GZMA: variants seen among roughly 807,000 people sequenced by gnomAD.
GZMA encodes granzyme A, also known as CTL tryptase.
In GZMA, 17 loss-of-function variants were observed where a neutral mutation model predicts 21.1. The ratio of observed to expected loss-of-function variants is 0.81; its 90% CI spans 0.55 to 1.21. GZMA has a LOEUF of 1.21. Ranked by LOEUF, GZMA falls within the 50% of genes most tolerant of loss-of-function variation. GZMA has a pLI of 0.00. For missense variants in GZMA, 306 were observed against 315.9 expected, an observed-to-expected ratio of 0.97 and a Z score of 0.24; for synonymous variants, 90 against 107.8, an observed-to-expected ratio of 0.83 and a Z score of 1.03.
At chr5:55,103,991 C>T (rs139525748) in intron 1 of GZMA, among the ~76,000 whole-genome samples, 1,792 of 149,764 alleles carry the variant, frequency 0.012, 35 homozygotes, top group African/African-American at 0.041. Flanking sequence ...GGTGACAGAG[C>T]GAGACTCTGT....
Position 55,110,134 on chromosome 5 carries a change from AAAGAAACACCTC to A in GZMA, c.744_755del (p.Lys248_Leu251del). The A allele has an allele frequency of 6.2e-7, 1 of 1,611,470 alleles. No homozygotes were observed. ...GGCCTGGTGTCTATATTCTTCTCTC[AAAGAAACACCTC>A]AACTGGATAATTATGACTATCAAGG... On this transcript the variant is annotated inframe_deletion, in exon 5 of 5. Coordinates refer to ENST00000274306, the MANE Select transcript of GZMA (RefSeq NM_006144.4).
At chr5:55,105,649 G>A (rs1742374722) in intron 2 of GZMA, 31 bp downstream of exon 2, 1 of 1,579,788 alleles carries the variant, frequency 6.3e-7, no homozygotes, top group African/African-American at 1.3e-5. Context: ...AAAAAAGTTT[G>A]TAAAGATACT....
chr5:55,103,091 G>A (rs1742331274), intron 1 of GZMA, among the ~76,000 whole-genome samples: 1 of 151,472 alleles, frequency 6.6e-6, no homozygotes, highest in Non-Finnish European at 1.5e-5. Flanking sequence ...TTTTGCAAAA[G>A]ATAGCAGAAC....
At position 55,108,312 on chromosome 5, in the gene GZMA, G is replaced by A. The variant is rs142064253; in HGVS notation, c.545G>A (p.Arg182Gln). The change falls in exon 4 of 5, where the codon CGA becomes CAA. Residue 182 changes from arginine (R) to glutamine (Q), a missense_variant. Transcript: ENST00000274306. ...TIIDRKVCND[R>Q]NHYNFNPVIG... ...ATAGACAGAAAAGTCTGCAATGATC[G>A]AAATCACTATAATTTTAACCCTGTG... 1.5e-4 allele frequency: 237 copies of A among 1,612,968 alleles called. No individual in the cohort carries two copies. Among genetic ancestry groups the A allele is most frequent in the Non-Finnish European group, 1.8e-4 (214 of 1,179,124 alleles).
rs916957623 is a variant in GZMA, at chr5:55,110,117, G to A, written c.724G>A (p.Val242Ile). The A allele has an allele frequency of 6.2e-7, 1 of 1,612,278 alleles. No homozygotes were observed. Among genetic ancestry groups the A allele is most frequent in the African/African-American group, 1.3e-5 (1 of 74,808 alleles). The change falls in exon 5 of 5, where the codon GTC becomes ATC. Residue 242 changes from valine to isoleucine, a missense_variant. Physicochemically the swap from Val to Ile is conservative, Grantham distance 29. Transcript: ENST00000274306. ...NKCGDPRGPG[V>I]YILLSKKHLN... ...ATGCGGAGACCCTCGTGGGCCTGGT[G>A]TCTATATTCTTCTCTCAAAGAAACA...
Position 55,110,009 on chromosome 5 carries a change from G to A in GZMA, c.628-12G>A. ...ACTGACCCCACACCCTACCCCTCTT[G>A]TTTTCCTCCAGGGAGATTCTGGAAG... On this transcript the variant is annotated splice_polypyrimidine_tract_variant and intron_variant, in intron 4 of 4. Transcript: ENST00000274306. The A allele has an allele frequency of 6.3e-7, 1 of 1,583,594 alleles. No homozygotes were observed. The highest frequency in any genetic ancestry group is 1.7e-4 in the Middle Eastern group (1 of 5,888).
chr5:55,104,752 C>G (rs2111751241), intron 1 of GZMA, among the ~76,000 whole-genome samples: 1 of 152,256 alleles, frequency 6.6e-6, no homozygotes, highest in Admixed American at 6.5e-5. Context: ...AACAATGGGT[C>G]TCTACTTCAA....
Position 55,108,167 on chromosome 5 carries a change from C to A in GZMA, c.400C>A (p.His134Asn). The change falls in exon 4 of 5, where the codon CAT becomes AAT. Residue 134 changes from histidine (H) to asparagine (N), a missense_variant. Physicochemically the swap from His to Asn is moderately conservative, Grantham distance 68. Coordinates refer to ENST00000274306, the MANE Select transcript of GZMA (RefSeq NM_006144.4). ...AKINKYVTIL[H>N]LPKKGDDVKP... ...AATTAACAAATATGTGACTATCCTT[C>A]ATCTACCTAAAAAGGGGGACGATGT... is the stretch of plus-strand genomic sequence containing the variant. 1 of 1,609,268 alleles carries A rather than the reference C, an allele frequency of 6.2e-7. No individual in the cohort carries two copies. Among genetic ancestry groups the A allele is most frequent in the East Asian group, 2.2e-5 (1 of 44,808 alleles).
intron 2 of GZMA, 29 bp downstream of exon 2, chr5:55,105,647 T>G (rs776750935): frequency 6.3e-7 from 1 of 1,588,734 alleles, no homozygotes; most frequent in Non-Finnish European, 8.6e-7. Context: ...AAAAAAAAGT[T>G]TGTAAAGATA....
rs775130512 is a variant in GZMA, at chr5:55,108,156, T to A, written c.389T>A (p.Val130Glu). The A allele has an allele frequency of 6.2e-7, 1 of 1,607,732 alleles. No homozygotes were observed. Among genetic ancestry groups the A allele is most frequent in the East Asian group, 2.2e-5 (1 of 44,796 alleles). Residue 130 changes from valine to glutamate, a missense_variant, in exon 4 of 5, where the codon GTG (valine) becomes GAG (glutamate). By Grantham distance (121) the Val-to-Glu change is moderately radical. Transcript: ENST00000274306. ...GAAAAAGCAAAAATTAACAAATATG[T>A]GACTATCCTTCATCTACCTAAAAAG... Reference protein sequence around the residue: ...LMEKAKINKYVTILHLPKKGD... With the variant: ...LMEKAKINKYETILHLPKKGD...
chr5:55,109,836 C>A (rs1282689637), intron 4 of GZMA, among the ~76,000 whole-genome samples, 185 bp from the exon 5 acceptor site: 1 of 152,154 alleles, frequency 6.6e-6, no homozygotes, highest in African/African-American at 2.4e-5. Flanking sequence ...ATAAATAAAC[C>A]AAGTGAACCA....
At position 55,102,688 on chromosome 5, in the gene GZMA, G is replaced by A. The variant is rs774546636; in HGVS notation, c.6G>A (p.Arg2=). Residue 2 remains arginine (R), a synonymous_variant, in exon 1 of 5, where the codon AGG becomes AGA. Transcript: ENST00000274306. M[R]NSYRFLASSL... is the part of the protein sequence containing the mutation. The stretch of plus-strand genomic sequence containing the variant: ...GATGTGGGACAGCAGCCACAATGAG[G>A]AACTCCTATAGATTTCTGGCATCCT... 6.2e-7 allele frequency: 1 copy of A among 1,604,874 alleles called. No individual in the cohort carries two copies. Among genetic ancestry groups the A allele is most frequent in the Non-Finnish European group, 8.5e-7 (1 of 1,171,608 alleles).
intron 1 of GZMA, among the ~76,000 whole-genome samples, chr5:55,104,645 G>C (rs1742354014): frequency 6.6e-6 from 1 of 152,204 alleles, no homozygotes; most frequent in Non-Finnish European, 1.5e-5. Flanking sequence ...AGAACATCTG[G>C]TGCAGGAGGT....
In GZMA at chr5:55,107,886, A is replaced by G; in HGVS notation, c.308A>G (p.Tyr103Cys). 1 of 1,612,968 alleles carries G rather than the reference A, an allele frequency of 6.2e-7. No homozygotes were observed. Among genetic ancestry groups the G allele is most frequent in the Non-Finnish European group, 8.5e-7 (1 of 1,178,982 alleles). Reference protein sequence around the residue: ...QIMLVKKEFPYPCYDPATREG... With the variant: ...QIMLVKKEFPCPCYDPATREG... ...ATGCTTGTTAAGAAAGAGTTTCCCT[A>G]TCCATGCTATGACCCAGCCACACGC... The change falls in exon 3 of 5, where the codon TAT becomes TGT. Residue 103 changes from tyrosine to cysteine, a missense_variant. Transcript: ENST00000274306.
chr5:55,103,878 T>A (rs1217445678), intron 1 of GZMA, among the ~76,000 whole-genome samples: 2 of 152,046 alleles, frequency 1.3e-5, no homozygotes, highest in African/African-American at 2.4e-5. Flanking sequence ...TGGTGGCACG[T>A]GCCTGTAATC....
intron 3 of GZMA, 33 bp downstream of exon 3, chr5:55,107,968 T>G: frequency 6.3e-7 from 1 of 1,595,108 alleles, no homozygotes; most frequent in East Asian, 2.2e-5. Context: ...TCAAAAGTCA[T>G]AGAACCTTCT....
chr5:55,107,817 T>A lies in GZMA; in HGVS notation c.239T>A (p.Leu80His). The A allele has an allele frequency of 6.2e-7, 1 of 1,612,870 alleles. No homozygotes were observed. Among genetic ancestry groups the A allele is most frequent in the Non-Finnish European group, 8.5e-7 (1 of 1,178,910 alleles). Residue 80 changes from leucine to histidine, a missense_variant, in exon 3 of 5, where the codon CTT (leucine) becomes CAT (histidine). Leu to His is a moderately conservative substitution (Grantham distance 99, BLOSUM62 -3). Transcript: ENST00000274306. Reference protein sequence around the residue: ...CNLNKRSQVILGAHSITREEP... With the variant: ...CNLNKRSQVIHGAHSITREEP... ...AGGAACAAAAGGTCCCAGGTCATTC[T>A]TGGGGCTCACTCAATAACCAGGGAA...
Position 55,106,915 on chromosome 5 carries a change from A to T in GZMA, c.216-879A>T, listed in dbSNP as rs568885073. Among the ~76,000 whole-genome samples the T allele has an allele frequency of 3.5e-3, 530 of 152,364 alleles. 1 individual carries two copies. The highest frequency in any genetic ancestry group is 0.01 in the Middle Eastern group (3 of 294). ...CACATTTCAAGTCCTCAGTAGCCAC[A>T]TGTGGCTAGTGCAGATTCATAGAAC... On this transcript the variant is annotated intron_variant, in intron 2 of 4. Coordinates refer to ENST00000274306, the MANE Select transcript of GZMA (RefSeq NM_006144.4).
intron 4 of GZMA, among the ~76,000 whole-genome samples, chr5:55,109,696 T>G (rs1022810563): frequency 6.6e-6 from 1 of 152,198 alleles, no homozygotes. Context: ...TTGACTATTT[T>G]GCCCCTTGAG....
Sources: gnomAD v4.1 joint callset for allele counts (sites outside exome capture counted in the v4.1 genomes callset) on GRCh38, gnomAD v4.1.1 for gene constraint, MANE v1.5 for transcripts, NCBI Gene and HGNC (gene_info 2026-07-23, HGNC 2026-07-21) for gene names.